NBAS: variants seen among roughly 807,000 people sequenced by gnomAD.
NBAS encodes NBAS subunit of NRZ tethering complex.
In NBAS, 219 loss-of-function variants were observed where a neutral mutation model predicts 302.5. The ratio of observed to expected loss-of-function variants is 0.72; its 90% CI spans 0.65 to 0.81. NBAS has a LOEUF of 0.81. Among genes scored for constraint, NBAS ranks in the 30% least tolerant of loss-of-function variants. NBAS has a pLI of 0.00. For synonymous variants in NBAS, 1,118 were observed against 1,021.6 expected, an observed-to-expected ratio of 1.09 and a Z score of -1.80; for missense variants, 2,932 against 2,841.6, an observed-to-expected ratio of 1.03 and a Z score of -0.72.
chr2:14,966,794 C>T, the NBAS span, among the ~76,000 whole-genome samples: 1 of 152,016 alleles, frequency 6.6e-6, no homozygotes, highest in Admixed American at 6.6e-5. Context: ...CAGAAGTCCT[C>T]TTTAGGGCAA....
At chr2:15,509,289 G>A (rs1393931009) in intron 10 of NBAS, among the ~76,000 whole-genome samples, 2 of 152,130 alleles carry the variant, frequency 1.3e-5, no homozygotes, top group African/African-American at 2.4e-5. Flanking sequence ...ATGCTCTATG[G>A]TGCCTTAGGC....
At chr2:15,334,258 C>T (rs938621841) in intron 35 of NBAS, among the ~76,000 whole-genome samples, 9 of 151,638 alleles carry the variant, frequency 5.9e-5, no homozygotes, top group African/African-American at 1.9e-4. Flanking sequence ...GGCACAATCT[C>T]GGCTCACTGC....
the NBAS span, among the ~76,000 whole-genome samples, chr2:14,929,990 C>T: frequency 1.3e-5 from 2 of 152,130 alleles, no homozygotes; most frequent in Non-Finnish European, 2.9e-5. Flanking sequence ...CCCCTTTGCT[C>T]TCTCTCTCCT....
chr2:15,433,048 C>G (rs1028670863), intron 21 of NBAS, among the ~76,000 whole-genome samples: 4 of 152,158 alleles, frequency 2.6e-5, no homozygotes, highest in Non-Finnish European at 5.9e-5. Flanking sequence ...TCACCTCCTC[C>G]CACCACGAGT....
At chr2:15,532,719 G>C (rs534742860) in intron 9 of NBAS, among the ~76,000 whole-genome samples, 8 of 152,030 alleles carry the variant, frequency 5.3e-5, no homozygotes, top group African/African-American at 1.7e-4. Flanking sequence ...AATTAAAATA[G>C]CTAAAAGTGG....
intron 9 of NBAS, among the ~76,000 whole-genome samples, chr2:15,526,268 T>C (rs189124431): frequency 2.6e-5 from 4 of 152,168 alleles, no homozygotes; most frequent in East Asian, 1.9e-4. Context: ...AAAAAGAAAA[T>C]AGTCAAAATC....
At chr2:15,528,627 G>A (rs1303586192) in intron 9 of NBAS, among the ~76,000 whole-genome samples, 1 of 149,710 alleles carries the variant, frequency 6.7e-6, no homozygotes, top group African/African-American at 2.4e-5. Context: ...CAACACTTTG[G>A]GAGGCTGAGG....
chr2:14,922,724 A>C, the NBAS span, among the ~76,000 whole-genome samples: 3 of 152,258 alleles, frequency 2.0e-5, no homozygotes, highest in Non-Finnish European at 4.4e-5. Context: ...GATACAATTT[A>C]GTCCATAACA....
intron 48 of NBAS, among the ~76,000 whole-genome samples, chr2:15,213,440 A>G (rs973437762): frequency 6.6e-6 from 1 of 152,208 alleles, no homozygotes; most frequent in Non-Finnish European, 1.5e-5. Flanking sequence ...CAAACCCCTG[A>G]TTTCTCATCT....
the NBAS span, among the ~76,000 whole-genome samples, chr2:14,832,599 ATACTC>A: frequency 2.0e-5 from 3 of 152,280 alleles, no homozygotes; most frequent in Admixed American, 6.5e-5. Flanking sequence ...GCCTCCTGGG[ATACTC>A]TACCAGAGGG....
chr2:15,487,775 G>A (rs1680693104), intron 12 of NBAS, among the ~76,000 whole-genome samples: 2 of 152,122 alleles, frequency 1.3e-5, no homozygotes, highest in African/African-American at 4.8e-5. Context: ...GAGAAAGACT[G>A]TCCCTTTTAT....
At chr2:14,783,102 C>T in the NBAS span, among the ~76,000 whole-genome samples, 1 of 151,794 alleles carries the variant, frequency 6.6e-6, no homozygotes, top group Non-Finnish European at 1.5e-5. Flanking sequence ...TACCCCTGAA[C>T]CGAAAATAAA....
the NBAS span, among the ~76,000 whole-genome samples, chr2:15,098,395 TTATATATTATATA>T: frequency 6.1e-5 from 1 of 16,268 alleles, no homozygotes; most frequent in African/African-American, 1.3e-4. Context: ...ATATTGTATA[TTATATATTATATA>T]TGATATATTG....
At chr2:15,051,910 G>A in the NBAS span, among the ~76,000 whole-genome samples, 1 of 151,060 alleles carries the variant, frequency 6.6e-6, no homozygotes, top group Non-Finnish European at 1.5e-5. Context: ...TTTTTTTCAA[G>A]AGCCAGTTAA....
chr2:15,500,993 T>G (rs2380654), intron 11 of NBAS, among the ~76,000 whole-genome samples: 84,536 of 151,126 alleles, frequency 0.56, 24,233 homozygotes, highest in Middle Eastern at 0.62. Context: ...ATTCTTATTT[T>G]AACATACTCT....
intron 48 of NBAS, among the ~76,000 whole-genome samples, chr2:15,193,044 C>T (rs1047778990): frequency 6.6e-6 from 1 of 151,948 alleles, no homozygotes; most frequent in Admixed American, 6.6e-5. Flanking sequence ...TAAGTTAAAC[C>T]TTTATATTTG....
chr2:14,918,011 C>T, the NBAS span, among the ~76,000 whole-genome samples: 1 of 152,144 alleles, frequency 6.6e-6, no homozygotes, highest in African/African-American at 2.4e-5. Flanking sequence ...TGGTTTTTAA[C>T]TCGCAGCATC....
chr2:14,899,605 A>G, the NBAS span, among the ~76,000 whole-genome samples: 1 of 152,356 alleles, frequency 6.6e-6, no homozygotes, highest in Admixed American at 6.5e-5. Context: ...TGCTGATTTT[A>G]CAGTCTAATA....
chr2:15,288,225 C>T (rs536425282), intron 41 of NBAS, among the ~76,000 whole-genome samples: 2 of 152,222 alleles, frequency 1.3e-5, no homozygotes, highest in Non-Finnish European at 2.9e-5. Flanking sequence ...TGTGCTAGCT[C>T]CTTAGGAACT....
Sources: allele counts gnomAD v4.1 joint callset (sites outside exome capture counted in the v4.1 genomes callset), GRCh38; gene constraint gnomAD v4.1.1; transcripts MANE v1.5; gene names NCBI Gene and HGNC (gene_info 2026-07-23, HGNC 2026-07-21).